Variants in SMAD1 observed in about 807,000 individuals in gnomAD.
SMAD1 encodes MAD, mothers against decapentaplegic homolog 1.
A neutral mutation model predicts 41.6 loss-of-function variants in SMAD1; 6 were observed. The observed-to-expected ratio is 0.14, with a 90% CI of 0.08 to 0.28. The LOEUF is 0.28. SMAD1 is among the 10% of genes least tolerant of loss of function. The probability of loss-of-function intolerance (pLI) is 1.00; values close to 1 mark genes in which losing one functional copy is unlikely to be tolerated. For missense variants in SMAD1, 379 were observed against 582.6 expected, an observed-to-expected ratio of 0.65 and a Z score of 3.60; for synonymous variants, 206 against 203.2, an observed-to-expected ratio of 1.01 and a Z score of -0.12.
rs2126569159 is a variant in SMAD1, at chr4:145,557,950, T to G, written c.*16T>G. 6.3e-7 allele frequency: 1 copy of G among 1,587,422 alleles called. No individual in the cohort carries two copies. The highest frequency in any genetic ancestry group is 1.3e-5 in the African/African-American group (1 of 74,638). Reference sequence around the variant, plus strand: ...TGTATCTTAAATGGCCCCAGGCATCTGCCTCTGGAAAACTATTGAGCCTTG... The same window carrying G: ...TGTATCTTAAATGGCCCCAGGCATCGGCCTCTGGAAAACTATTGAGCCTTG... On this transcript the variant is annotated 3_prime_UTR_variant, in exon 7 of 7. Coordinates refer to ENST00000302085, the MANE Select transcript of SMAD1 (RefSeq NM_005900.3).
At chr4:145,528,082 CACACACACACAT>C (rs1207313875) in intron 2 of SMAD1, among the ~76,000 whole-genome samples, 4 of 151,036 alleles carry the variant, frequency 2.6e-5, no homozygotes, top group Admixed American at 2.6e-4. Flanking sequence ...CACACACACA[CACACACACACAT>C]ACACACACAT....
intron 1 of SMAD1, among the ~76,000 whole-genome samples, chr4:145,512,122 G>A (rs1443752515): frequency 6.6e-6 from 1 of 152,192 alleles, no homozygotes; most frequent in Non-Finnish European, 1.5e-5. Context: ...TGAAATGTCA[G>A]CTGTCAACCT....
At chr4:145,519,088 CTTTTTTT>C (rs771498383) in intron 2 of SMAD1, among the ~76,000 whole-genome samples, 9 of 34,892 alleles carry the variant, frequency 2.6e-4, no homozygotes, top group African/African-American at 5.4e-4. Context: ...GTTTGGTTGG[CTTTTTTT>C]TTTTTTTTTT....
At chr4:145,528,104 T>C (rs938958509) in intron 2 of SMAD1, among the ~76,000 whole-genome samples, 3 of 149,608 alleles carry the variant, frequency 2.0e-5, no homozygotes, top group Admixed American at 1.3e-4. Flanking sequence ...TACACACACA[T>C]ATATTTTTTT....
rs146076159 is a variant in SMAD1 at position 145,521,193 on chromosome 4, G to C, written c.400+6180G>C. ...TTATTAGTGGTTGAATTAAATGTAGGGTTTATTCTTTCTTACCAGAGTAAA... is the reference window on the plus strand; with the variant it reads ...TTATTAGTGGTTGAATTAAATGTAGCGTTTATTCTTTCTTACCAGAGTAAA... On this transcript the variant is annotated intron_variant, in intron 2 of 6. Coordinates refer to ENST00000302085, the MANE Select transcript of SMAD1 (RefSeq NM_005900.3). Among the ~76,000 whole-genome samples, 462 of 152,208 alleles carry C rather than the reference G, an allele frequency of 3.0e-3. 1 individual carries two copies. The highest frequency in any genetic ancestry group is 0.01 in the African/African-American group (429 of 41,518).
At chr4:145,521,475 T>A (rs752187072) in intron 2 of SMAD1, among the ~76,000 whole-genome samples, 4 of 152,228 alleles carry the variant, frequency 2.6e-5, no homozygotes, top group Non-Finnish European at 5.9e-5. Context: ...GTGCTTTCAT[T>A]TTCAGCATGA....
At chr4:145,509,043 A>T (rs1220645071) in intron 1 of SMAD1, among the ~76,000 whole-genome samples, 1 of 152,204 alleles carries the variant, frequency 6.6e-6, no homozygotes, top group Non-Finnish European at 1.5e-5. Flanking sequence ...TATAGCCTTT[A>T]TCACATGATA....
intron 1 of SMAD1, among the ~76,000 whole-genome samples, chr4:145,485,064 A>T (rs528670981): frequency 2.0e-4 from 31 of 152,002 alleles, no homozygotes; most frequent in African/African-American, 7.2e-4. Context: ...GCTTTTTTTG[A>T]AATTTTATTA....
intron 2 of SMAD1, among the ~76,000 whole-genome samples, chr4:145,524,511 G>C (rs1199285391): frequency 6.6e-6 from 1 of 152,030 alleles, no homozygotes; most frequent in Admixed American, 6.6e-5. Flanking sequence ...ATTTGTTTCT[G>C]GGCAGAATTT....
chr4:145,547,330 A>G (rs1190321971), intron 5 of SMAD1, among the ~76,000 whole-genome samples: 1 of 152,326 alleles, frequency 6.6e-6, no homozygotes, highest in African/African-American at 2.4e-5. Context: ...TAGCACAAAC[A>G]TCGTGCAAGG....
At chr4:145,488,007 TTAGAG>T (rs764536452) in intron 1 of SMAD1, among the ~76,000 whole-genome samples, 1 of 152,202 alleles carries the variant, frequency 6.6e-6, no homozygotes, top group Non-Finnish European at 1.5e-5. Flanking sequence ...AATCTGAACT[TTAGAG>T]AAGACTCTCT....
At chr4:145,552,585 G>A (rs1732609898) in intron 5 of SMAD1, among the ~76,000 whole-genome samples, 1 of 152,082 alleles carries the variant, frequency 6.6e-6, no homozygotes. Context: ...ATAGTTCAGT[G>A]AGATCTAATT....
At chr4:145,499,295 CA>C (rs767749517) in intron 1 of SMAD1, among the ~76,000 whole-genome samples, 1 of 152,144 alleles carries the variant, frequency 6.6e-6, no homozygotes, top group Non-Finnish European at 1.5e-5. Context: ...AGGTCACAGT[CA>C]AAACTTTTTT....
chr4:145,551,093 G>A (rs1454506165), intron 5 of SMAD1, among the ~76,000 whole-genome samples: 1 of 152,014 alleles, frequency 6.6e-6, no homozygotes, highest in Non-Finnish European at 1.5e-5. Flanking sequence ...TTTGTAAATG[G>A]AAAAGTAAAG....
intron 5 of SMAD1, among the ~76,000 whole-genome samples, chr4:145,550,784 A>G (rs774385174): frequency 6.6e-6 from 1 of 152,212 alleles, no homozygotes; most frequent in African/African-American, 2.4e-5. Flanking sequence ...CCCCTTCCCA[A>G]TAGCCACAGA....
intron 1 of SMAD1, chr4:145,513,114 C>G (rs926817627): frequency 6.6e-6 from 1 of 152,336 alleles, no homozygotes; most frequent in East Asian, 1.9e-4. Flanking sequence ...TAGTTTTTAG[C>G]CTCTTAGTTA....
Position 145,537,374 on chromosome 4 carries a change from G to C in SMAD1, c.401-2430G>C, listed in dbSNP as rs922413417. ...ATTTGTGTTCTAGGGCTGGGGAATG[G>C]AGGAGAGAGAATGAGTAAGTTAATG... On this transcript the variant is annotated intron_variant, in intron 2 of 6. Coordinates refer to ENST00000302085, the MANE Select transcript of SMAD1 (RefSeq NM_005900.3). 3.3e-5 allele frequency among the ~76,000 whole-genome samples: 5 copies of C among 152,132 alleles called. No homozygotes were observed. The South Asian group carries it at 8.3e-4, about 25-fold the overall frequency.
rs188243242 is a variant in SMAD1 at position 145,511,928 on chromosome 4, T to C, written c.-176-2510T>C. ...TCTGCCTGAAGAATTCCTGTTAGTA[T>C]TTCTTTTAGTGACAATCTGCTGTAA... On this transcript the variant is annotated intron_variant, in intron 1 of 6. Transcript: ENST00000302085. 4.6e-5 allele frequency among the ~76,000 whole-genome samples: 7 copies of C among 152,342 alleles called. No individual in the cohort carries two copies. The East Asian group carries it at 1.3e-3, about 29-fold the overall frequency.
chr4:145,539,176 T>A (rs975408492), intron 2 of SMAD1, among the ~76,000 whole-genome samples: 6 of 152,302 alleles, frequency 3.9e-5, no homozygotes, highest in African/African-American at 1.4e-4. Context: ...AGAAAAAAGA[T>A]GTTCATAAAG....
Sources: allele counts gnomAD v4.1 joint callset (sites outside exome capture counted in the v4.1 genomes callset), GRCh38; gene constraint gnomAD v4.1.1; transcripts MANE v1.5; gene names NCBI Gene and HGNC (gene_info 2026-07-23, HGNC 2026-07-21).